NEBL: variants seen among roughly 807,000 people sequenced by gnomAD.
The protein encoded by NEBL is nebulette, also known as LIM and SH3 protein 2.
In NEBL, 122 loss-of-function variants were observed where a neutral mutation model predicts 140.2. That is an observed-to-expected ratio of 0.87 (90% confidence interval 0.75 to 1.01). The LOEUF (loss-of-function observed/expected upper bound fraction) is 1.01, where lower values mean the gene tolerates loss of function less well. Among genes scored for constraint, NEBL ranks in the 50% least tolerant of loss-of-function variants. The probability of loss-of-function intolerance (pLI) is 0.00; values close to 1 mark genes in which losing one functional copy is unlikely to be tolerated. For missense variants in NEBL, 1,365 were observed against 1,231.3 expected (o/e 1.11, Z -1.62); for synonymous variants, 436 against 398.9 (o/e 1.09, Z -1.11).
At chr10:20,948,233 A>G (rs961113512) in intron 4 of NEBL, among the ~76,000 whole-genome samples, 5 of 152,234 alleles carry the variant, frequency 3.3e-5, no homozygotes, top group Non-Finnish European at 7.3e-5. Context: ...AGAGGTTAGA[A>G]GCAATGTAAA....
intron 16 of NEBL, 56 bp from the exon 17 acceptor site, chr10:20,828,690 G>C: frequency 1.8e-6 from 2 of 1,087,272 alleles, no homozygotes; most frequent in South Asian, 2.6e-5. Context: ...GCACATGTGA[G>C]AGGGAGGGAG....
At chr10:21,225,672 G>C (rs1013247405) in intron 3 of NEBL, among the ~76,000 whole-genome samples, 1 of 152,130 alleles carries the variant, frequency 6.6e-6, no homozygotes, top group African/African-American at 2.4e-5. Context: ...ACCTCCCCAG[G>C]TTCATGGCAA....
At chr10:21,084,883 G>A (rs1461982602) in intron 2 of NEBL, among the ~76,000 whole-genome samples, 1 of 152,168 alleles carries the variant, frequency 6.6e-6, no homozygotes, top group Non-Finnish European at 1.5e-5. Flanking sequence ...CATGGTTCTT[G>A]GTCAACTCAT....
At chr10:21,111,474 A>G (rs189397422) in intron 2 of NEBL, among the ~76,000 whole-genome samples, 3,635 of 151,506 alleles carry the variant, frequency 0.024, 114 homozygotes, top group African/African-American at 0.072. Flanking sequence ...AAACCTGACA[A>G]AAACAAGCAA....
intron 7 of NEBL, among the ~76,000 whole-genome samples, chr10:20,860,126 C>T (rs1843526625): frequency 6.6e-6 from 1 of 152,024 alleles, no homozygotes; most frequent in Non-Finnish European, 1.5e-5. Context: ...TTTCTATAAT[C>T]TATGATCAGT....
At chr10:20,976,960 T>C (rs551438027) in intron 3 of NEBL, among the ~76,000 whole-genome samples, 3 of 150,940 alleles carry the variant, frequency 2.0e-5, no homozygotes, top group African/African-American at 7.3e-5. Context: ...TCCTTACCTG[T>C]ACCTAAACAA....
At chr10:20,950,729 C>T (rs1244024252) in intron 4 of NEBL, among the ~76,000 whole-genome samples, 2 of 152,106 alleles carry the variant, frequency 1.3e-5, no homozygotes, top group Non-Finnish European at 2.9e-5. Context: ...TCAAGAAATG[C>T]CACTTATCAT....
chr10:20,924,512 A>G (rs1423902655), intron 4 of NEBL, among the ~76,000 whole-genome samples: 1 of 121,874 alleles, frequency 8.2e-6, no homozygotes, highest in Admixed American at 9.0e-5. Flanking sequence ...CAATACAGAG[A>G]GTATCTTGTA....
chr10:20,812,759 G>A lies in NEBL; in HGVS notation c.2518+10C>T, dbSNP rs747607700. 52 of 1,613,562 alleles carry A rather than the reference G, an allele frequency of 3.2e-5. No homozygotes were observed. The highest frequency in any genetic ancestry group is 1.6e-4 in the Middle Eastern group (1 of 6,072). ...CCACACACACCGGCCGACAAACGCC[G>A]TCAGCTTACCAACAATGATTCCAGG... is the stretch of plus-strand genomic sequence containing the variant. On this transcript the variant is annotated intron_variant, in intron 24 of 27. Transcript: ENST00000377122.
At chr10:21,123,213 T>C (rs1838660425) in intron 2 of NEBL, among the ~76,000 whole-genome samples, 1 of 152,212 alleles carries the variant, frequency 6.6e-6, no homozygotes. Flanking sequence ...GCCAAGATTC[T>C]CACTGTTCTA....
chr10:20,926,702 G>A lies in NEBL; in HGVS notation c.357+34970C>T, dbSNP rs111665451. On this transcript the variant is annotated intron_variant, in intron 4 of 6. Coordinates refer to the NEBL transcript ENST00000417816. ...AGCGGGTGCAGGGGGAGAGTGTGTC[G>A]TCTCGCATTCAGCAATGGCCAGCAG... is the stretch of plus-strand genomic sequence containing the variant. Among the ~76,000 whole-genome samples, 657 of 152,212 alleles carry A rather than the reference G, an allele frequency of 4.3e-3. 3 individuals are homozygous for A. The highest frequency in any genetic ancestry group is 0.015 in the African/African-American group (610 of 41,526).
rs1834936767 is a variant in NEBL at position 20,780,183 on chromosome 10, T to G, written c.*5564A>C. ...TGGGGGGAGAAAAGCAATTGTGTTC[T>G]GTGATAAATGAGCCTTTCTTAGCTG... On this transcript the variant is annotated 3_prime_UTR_variant, in exon 28 of 28. Transcript: ENST00000377122. The G allele has an allele frequency of 6.6e-6, 1 of 152,206 alleles. No individual in the cohort carries two copies. The highest frequency in any genetic ancestry group is 1.5e-5 in the Non-Finnish European group (1 of 68,044). The allele number at this position is 152,206 out of a possible 1,614,324, so 9.4% of individuals were successfully genotyped here.
At chr10:20,819,262 AT>A in intron 20 of NEBL, 161 bp downstream of exon 20, 2 of 1,195,414 alleles carry the variant, frequency 1.7e-6, no homozygotes, top group Admixed American at 4.1e-5. Context: ...ATTCCCCTCT[AT>A]GTGTCCATGT....
chr10:20,899,635 A>T (rs1847762822), upstream of NEBL: 1 of 318,090 alleles, frequency 3.1e-6, no homozygotes, highest in African/African-American at 2.2e-5. Context: ...AATGAAGGCT[A>T]TGAAAAATTA....
At chr10:21,082,356 G>T (rs1002730911) in intron 2 of NEBL, among the ~76,000 whole-genome samples, 8 of 152,044 alleles carry the variant, frequency 5.3e-5, no homozygotes, top group Non-Finnish European at 1.2e-4. Flanking sequence ...GTTCTGATTT[G>T]GATGGTTAGA....
At chr10:20,921,777 G>C (rs1295928742) in intron 4 of NEBL, among the ~76,000 whole-genome samples, 1 of 117,702 alleles carries the variant, frequency 8.5e-6, no homozygotes, top group African/African-American at 3.2e-5. Context: ...ACACATACAT[G>C]TACATGCACA....
At chr10:20,906,757 T>C (rs1479932808) in intron 4 of NEBL, among the ~76,000 whole-genome samples, 2 of 152,136 alleles carry the variant, frequency 1.3e-5, no homozygotes, top group African/African-American at 4.8e-5. Flanking sequence ...CAAATTTTAC[T>C]TGTTAATAAG....
chr10:20,859,650 C>T, intron 8 of NEBL, 63 bp downstream of exon 8: 3 of 1,106,964 alleles, frequency 2.7e-6, no homozygotes, highest in East Asian at 2.4e-5. Context: ...ACAACACAGT[C>T]GATTCTAAAA....
chr10:21,074,789 T>C (rs771217136), intron 2 of NEBL, among the ~76,000 whole-genome samples: 16 of 139,246 alleles, frequency 1.1e-4, no homozygotes, highest in Admixed American at 2.7e-4. Context: ...TATAGATATA[T>C]ATATTTTTGT....
Sources: allele counts gnomAD v4.1 joint callset (sites outside exome capture counted in the v4.1 genomes callset), GRCh38; gene constraint gnomAD v4.1.1; transcripts MANE v1.5; gene names NCBI Gene and HGNC (gene_info 2026-07-23, HGNC 2026-07-21).